The following AGBL2 variants were observed in gnomAD, a reference collection of about 807,000 sequenced individuals.
The protein encoded by AGBL2 is AGBL carboxypeptidase 2, also known as cytosolic carboxypeptidase 2.
Under a neutral mutation model 103.0 loss-of-function variants are expected in AGBL2, and 87 were observed. The observed-to-expected ratio is 0.84, with a 90% CI of 0.71 to 1.01. The LOEUF is 1.01. AGBL2 is among the 50% of genes least tolerant of loss of function. AGBL2 has a pLI of 0.00. For missense variants in AGBL2, 904 were observed against 1,023.5 expected (o/e 0.88, Z 1.59); for synonymous variants, 335 against 356.7 (o/e 0.94, Z 0.69).
intron 4 of AGBL2, among the ~76,000 whole-genome samples, chr11:47,709,441 T>G (rs2097530822): frequency 6.6e-6 from 1 of 152,128 alleles, no homozygotes; most frequent in African/African-American, 2.4e-5. Flanking sequence ...GAAGTTCAAC[T>G]GGATTCCTCC....
At chr11:47,704,093 CT>C (rs941791755) in intron 7 of AGBL2, among the ~76,000 whole-genome samples, 24 of 151,782 alleles carry the variant, frequency 1.6e-4, no homozygotes, top group African/African-American at 5.8e-4. Context: ...CAGAGTGAGA[CT>C]CTGTCTCAGT....
intron 10 of AGBL2, 122 bp from the exon 11 acceptor site, chr11:47,686,171 C>T: frequency 2.0e-6 from 2 of 985,628 alleles, no homozygotes; most frequent in Non-Finnish European, 3.0e-6. Flanking sequence ...AAAATCTCAA[C>T]TCCATTGGCC....
intron 17 of AGBL2, 48 bp downstream of exon 17, chr11:47,666,908 A>G (rs2097342703): frequency 8.3e-7 from 1 of 1,208,684 alleles, no homozygotes; most frequent in Non-Finnish European, 1.2e-6. Context: ...TGCTAATTCG[A>G]GAGGTTAGAG....
chr11:47,706,789 C>T (rs1391532461), intron 4 of AGBL2, among the ~76,000 whole-genome samples: 1 of 148,616 alleles, frequency 6.7e-6, no homozygotes, highest in Non-Finnish European at 1.5e-5. Flanking sequence ...TGGCTCACAC[C>T]TGTAATCCCA....
At chr11:47,701,074 A>C (rs746284243) in intron 7 of AGBL2, among the ~76,000 whole-genome samples, 46 of 151,846 alleles carry the variant, frequency 3.0e-4, no homozygotes, top group Non-Finnish European at 4.9e-4. Flanking sequence ...AAACAAACAA[A>C]CAACCAATAA....
chr11:47,675,286 G>A (rs932645283), intron 14 of AGBL2, among the ~76,000 whole-genome samples: 1 of 130,152 alleles, frequency 7.7e-6, no homozygotes, highest in African/African-American at 2.9e-5. Flanking sequence ...ATACCTCACT[G>A]CAACCTCGAA....
At chr11:47,667,778 C>G in intron 15 of AGBL2, 82 bp from the exon 16 acceptor site, 3 of 1,481,052 alleles carry the variant, frequency 2.0e-6, no homozygotes, top group Non-Finnish European at 2.8e-6. Flanking sequence ...ATGCAACACT[C>G]AAGACACAAA....
intron 13 of AGBL2, among the ~76,000 whole-genome samples, chr11:47,679,366 G>C (rs1279087710): frequency 6.6e-6 from 1 of 151,796 alleles, no homozygotes; most frequent in Non-Finnish European, 1.5e-5. Flanking sequence ...ACTTCAGCCT[G>C]GGTAACAGAG....
At chr11:47,681,669 A>T (rs189651845) in intron 12 of AGBL2, among the ~76,000 whole-genome samples, 10 of 152,326 alleles carry the variant, frequency 6.6e-5, no homozygotes, top group African/African-American at 2.4e-4. Context: ...CATGTTGGTC[A>T]CGCTGGTCTT....
In AGBL2 at chr11:47,680,077, G is replaced by GA. The variant is rs377659584; in HGVS notation, c.1916-5dup. ...AAGTGGGTGTCTCTTTTATTACCTG[G>GA]AAAAAAAAAAAACCCCGCAAACATT... On this transcript the variant is annotated splice_polypyrimidine_tract_variant and splice_region_variant and intron_variant, in intron 12 of 18. Transcript: ENST00000525123. 0.082 allele frequency: 88,809 copies of GA among 1,084,326 alleles called. 1 individual carries two copies. Among genetic ancestry groups the GA allele is most frequent in the South Asian group, 0.13 (6,472 of 51,590 alleles). 67.2% of individuals were successfully genotyped at this position (1,084,326 alleles called of 1,614,324 possible).
At chr11:47,702,206 A>C (rs1223517171) in intron 7 of AGBL2, among the ~76,000 whole-genome samples, 1 of 152,140 alleles carries the variant, frequency 6.6e-6, no homozygotes, top group Non-Finnish European at 1.5e-5. Context: ...CTATATTTTC[A>C]GACTCTTCTC....
Position 47,690,096 on chromosome 11 carries a change from G to A in AGBL2, c.1611C>T (p.Tyr537=). The stretch of plus-strand genomic sequence containing the variant: ...CTCACCTTTTGATCATGTTCCTGGT[G>A]TACCAAATACAAGGGAAAGACTCCT... ...ILKESFPCIW[Y]TRNMIKRLLE... Residue 537 remains tyrosine, a synonymous_variant, in exon 10 of 19, where the codon TAC becomes TAT. Transcript: ENST00000525123. 2 of 1,609,138 alleles carry A rather than the reference G, an allele frequency of 1.2e-6. No individual in the cohort carries two copies. Among genetic ancestry groups the A allele is most frequent in the Non-Finnish European group, 1.7e-6 (2 of 1,178,542 alleles).
At chr11:47,685,845 T>C in intron 11 of AGBL2, 48 bp downstream of exon 11, 1 of 1,566,424 alleles carries the variant, frequency 6.4e-7, no homozygotes, top group Non-Finnish European at 8.7e-7. Context: ...AAGCAGTGAG[T>C]TCCCATGTCC....
chr11:47,691,524 G>A (rs2097445241), intron 9 of AGBL2, among the ~76,000 whole-genome samples: 1 of 148,254 alleles, frequency 6.7e-6, no homozygotes, highest in Admixed American at 6.9e-5. Context: ...TGGCTAACAT[G>A]GTGAAATCCC....
In AGBL2 at chr11:47,667,543, G is replaced by A. The variant is rs748480950; in HGVS notation, c.2340+28C>T. 14 of 1,611,528 alleles carry A rather than the reference G, an allele frequency of 8.7e-6. No individual in the cohort carries two copies. In the East Asian group the frequency reaches 2.7e-4, roughly 31 times the overall value. Reference sequence around the variant, plus strand: ...CTATGGAATGGTCTGAAACTAGACAGTAGAAATAGCCAGCAAGTCTTTCTT... The same window carrying A: ...CTATGGAATGGTCTGAAACTAGACAATAGAAATAGCCAGCAAGTCTTTCTT... On this transcript the variant is annotated intron_variant, in intron 16 of 18. Coordinates refer to ENST00000525123, the MANE Select transcript of AGBL2 (RefSeq NM_024783.4).
At position 47,686,013 on chromosome 11, in the gene AGBL2, A is replaced by G. The variant is rs1461661016; in HGVS notation, c.1668T>C (p.Asp556=). Residue 556 remains aspartate (D), a synonymous_variant, in exon 11 of 19, where the codon GAT becomes GAC. Coordinates refer to ENST00000525123, the MANE Select transcript of AGBL2 (RefSeq NM_024783.4). The stretch of plus-strand genomic sequence containing the variant: ...TATTCTTACGACTGTGGCCATGGAA[A>G]TCACAATACAACAGAACCTCTCTTT... The part of the protein sequence containing the change: ...LEEREVLLYC[D]FHGHSRKNNI... 4.3e-6 allele frequency: 7 copies of G among 1,613,998 alleles called. No homozygotes were observed. The Admixed American group carries it at 1.0e-4, about 23-fold the overall frequency.
At chr11:47,700,811 C>T (rs1394045365) in intron 7 of AGBL2, among the ~76,000 whole-genome samples, 1 of 151,984 alleles carries the variant, frequency 6.6e-6, no homozygotes, top group Non-Finnish European at 1.5e-5. Context: ...CCTGTAATCC[C>T]AGCACTTTGG....
chr11:47,683,321 T>G (rs1016955193), intron 11 of AGBL2, among the ~76,000 whole-genome samples: 1 of 151,786 alleles, frequency 6.6e-6, no homozygotes, highest in Non-Finnish European at 1.5e-5. Flanking sequence ...TGCAGTGAGC[T>G]GAGATCGTGC....
At chr11:47,691,134 G>T (rs1163319792) in intron 9 of AGBL2, among the ~76,000 whole-genome samples, 1 of 151,126 alleles carries the variant, frequency 6.6e-6, no homozygotes, top group Non-Finnish European at 1.5e-5. Flanking sequence ...TGTGGTGGCG[G>T]GTGCCTGTAA....
Sources: allele counts gnomAD v4.1 joint callset (sites outside exome capture counted in the v4.1 genomes callset), GRCh38; gene constraint gnomAD v4.1.1; transcripts MANE v1.5; gene names NCBI Gene and HGNC (gene_info 2026-07-23, HGNC 2026-07-21).